Variants in MTMR7 observed in about 807,000 individuals in gnomAD.
MTMR7 encodes phosphatidylinositol-3-phosphate phosphatase MTMR7.
In MTMR7, 76 loss-of-function variants were observed where a neutral mutation model predicts 81.2. That is an observed-to-expected ratio of 0.94 (90% CI 0.78 to 1.13). The LOEUF (loss-of-function observed/expected upper bound fraction) is 1.13. Ranked by LOEUF, MTMR7 falls within the 50% of genes most tolerant of loss-of-function variation. The pLI is 0.00. For synonymous variants in MTMR7, 372 were observed against 289.8 expected (o/e 1.28, Z -2.88); for missense variants, 1,044 against 820.0 (o/e 1.27, Z -3.34).
At chr8:17,376,150 A>G (rs1266004547) in intron 1 of MTMR7, among the ~76,000 whole-genome samples, 3 of 152,216 alleles carry the variant, frequency 2.0e-5, no homozygotes, top group African/African-American at 4.8e-5. Flanking sequence ...TATTCTGAAC[A>G]TTTTGTATAA....
chr8:17,311,075 C>A (rs925308486), intron 9 of MTMR7, among the ~76,000 whole-genome samples: 4 of 152,144 alleles, frequency 2.6e-5, no homozygotes, highest in Admixed American at 6.5e-5. Context: ...AAAAAACATA[C>A]CCTGGAAGTG....
In MTMR7 at chr8:17,305,909, G is replaced by C. The variant is rs1441410555; in HGVS notation, c.1200C>G (p.Asp400Glu). Reference protein sequence around the residue: ...GDPKEISPVIDQFIECVWQLM... With the variant: ...GDPKEISPVIEQFIECVWQLM... Reference sequence around the variant, plus strand: ...ACTGCCAAACACACTCAATGAACTGGTCAATAACTGGAGAGATTTCTTTTG... The same window carrying C: ...ACTGCCAAACACACTCAATGAACTGCTCAATAACTGGAGAGATTTCTTTTG... Residue 400 changes from aspartate (D) to glutamate (E), a missense_variant, in exon 11 of 14, where the codon GAC becomes GAG. Coordinates refer to ENST00000180173, the MANE Select transcript of MTMR7 (RefSeq NM_004686.5). The C allele has an allele frequency of 1.2e-6, 2 of 1,613,670 alleles. No homozygotes were observed. The highest frequency in any genetic ancestry group is 8.5e-7 in the Non-Finnish European group (1 of 1,179,714).
At chr8:17,371,970 T>C (rs1007690903) in intron 2 of MTMR7, among the ~76,000 whole-genome samples, 1 of 151,954 alleles carries the variant, frequency 6.6e-6, no homozygotes, top group African/African-American at 2.4e-5. Flanking sequence ...TTTCCAGACT[T>C]TTCCTCCTGT....
In MTMR7 at chr8:17,298,216, A is replaced by T. The variant is rs1488790310; in HGVS notation, c.*1646T>A. The T allele has an allele frequency of 1.3e-5, 2 of 152,062 alleles. No individual in the cohort carries two copies. Among genetic ancestry groups the T allele is most frequent in the Non-Finnish European group, 2.9e-5 (2 of 67,932 alleles). The allele number at this position is 152,062 out of a possible 1,614,324, so 9.4% of individuals were successfully genotyped here. On this transcript the variant is annotated 3_prime_UTR_variant, in exon 14 of 14. Transcript: ENST00000180173. ...CCATTACCACTATATCCTAAGTTTT[A>T]TTTTAGCAAGGTATTCCCTATTACA...
intron 5 of MTMR7, among the ~76,000 whole-genome samples, chr8:17,342,609 G>A (rs1338437415): frequency 6.6e-6 from 1 of 152,166 alleles, no homozygotes; most frequent in East Asian, 1.9e-4. Context: ...GTTGGAGAAG[G>A]TGGGGACATT....
intron 1 of MTMR7, among the ~76,000 whole-genome samples, chr8:17,401,965 T>C (rs1821441371): frequency 6.6e-6 from 1 of 152,226 alleles, no homozygotes; most frequent in South Asian, 2.1e-4. Context: ...ATACAAAACA[T>C]ATTTTATAGG....
chr8:17,305,864 A>G lies in MTMR7; in HGVS notation c.1245T>C (p.Cys415=). The G allele has an allele frequency of 6.2e-7, 1 of 1,613,680 alleles. No individual in the cohort carries two copies. Among genetic ancestry groups the G allele is most frequent in the South Asian group, 1.1e-5 (1 of 91,062 alleles). The change falls in exon 11 of 14, where the codon TGT becomes TGC. Residue 415 remains cysteine (C), a synonymous_variant. Transcript: ENST00000180173. Reference sequence around the variant, plus strand: ...AAAACCTCTCATTGAACTCAAAGGCACAGGGAAATTGTTCCATTAACTGCC... The same window carrying G: ...AAAACCTCTCATTGAACTCAAAGGCGCAGGGAAATTGTTCCATTAACTGCC... ...CVWQLMEQFP[C]AFEFNERFLI...
At chr8:17,381,206 A>C (rs10093280) in intron 1 of MTMR7, among the ~76,000 whole-genome samples, 1 of 152,014 alleles carries the variant, frequency 6.6e-6, no homozygotes, top group Non-Finnish European at 1.5e-5. Flanking sequence ...GGTTAGACTG[A>C]GGGGAAAAAA....
intron 1 of MTMR7, among the ~76,000 whole-genome samples, chr8:17,384,800 C>A (rs545938179): frequency 3.9e-5 from 6 of 152,168 alleles, no homozygotes; most frequent in Non-Finnish European, 7.4e-5. Context: ...AAATAAAGAA[C>A]GTCAACTGTT....
intron 2 of MTMR7, among the ~76,000 whole-genome samples, chr8:17,372,340 G>A (rs540233387): frequency 3.0e-4 from 46 of 152,158 alleles, no homozygotes; most frequent in Non-Finnish European, 1.5e-5. Context: ...CAGTACTTTG[G>A]AAGGCCAAGG....
intron 11 of MTMR7, among the ~76,000 whole-genome samples, chr8:17,304,791 T>A (rs78305025): frequency 0.014 from 1,585 of 114,620 alleles, 12 homozygotes; most frequent in Non-Finnish European, 0.021. Context: ...TTGGGGGGAG[T>A]TTTTTCCCCC....
At chr8:17,329,317 T>C (rs1043701682) in intron 7 of MTMR7, among the ~76,000 whole-genome samples, 1 of 152,180 alleles carries the variant, frequency 6.6e-6, no homozygotes, top group Admixed American at 6.5e-5. Flanking sequence ...TAGTCAAACA[T>C]TGGTCAAGAC....
chr8:17,326,702 T>C (rs1818700154), intron 7 of MTMR7, among the ~76,000 whole-genome samples: 1 of 152,188 alleles, frequency 6.6e-6, no homozygotes, highest in Non-Finnish European at 1.5e-5. Context: ...CTCAGCTGAA[T>C]TCTGCCAACA....
At chr8:17,350,044 T>A (rs1819681726) in intron 4 of MTMR7, among the ~76,000 whole-genome samples, 1 of 152,168 alleles carries the variant, frequency 6.6e-6, no homozygotes, top group Admixed American at 6.5e-5. Flanking sequence ...CCAAAACAAA[T>A]GTTAGTGGTA....
At chr8:17,353,546 T>A (rs551368778) in intron 4 of MTMR7, among the ~76,000 whole-genome samples, 4 of 152,322 alleles carry the variant, frequency 2.6e-5, no homozygotes, top group African/African-American at 9.6e-5. Flanking sequence ...TGACAATACA[T>A]AATGCGCACA....
chr8:17,402,537 T>C (rs1272785300), intron 1 of MTMR7, among the ~76,000 whole-genome samples: 1 of 152,188 alleles, frequency 6.6e-6, no homozygotes, highest in Non-Finnish European at 1.5e-5. Flanking sequence ...GCTGGCTTCT[T>C]TCACTTAGCA....
intron 5 of MTMR7, among the ~76,000 whole-genome samples, chr8:17,344,610 C>G (rs930745572): frequency 2.6e-5 from 4 of 152,122 alleles, no homozygotes; most frequent in Non-Finnish European, 5.9e-5. Flanking sequence ...GACTCCATCT[C>G]AAAACATAAA....
At chr8:17,403,393 G>A (rs769358553) in intron 1 of MTMR7, among the ~76,000 whole-genome samples, 47 of 152,274 alleles carry the variant, frequency 3.1e-4, no homozygotes, top group Non-Finnish European at 5.6e-4. Context: ...CTGTAGGTGT[G>A]TGGATTTGTT....
chr8:17,314,110 T>G (rs923439911), intron 7 of MTMR7, among the ~76,000 whole-genome samples: 6 of 152,154 alleles, frequency 3.9e-5, no homozygotes, highest in Non-Finnish European at 7.4e-5. Context: ...CCACCAACTT[T>G]CACCTCAGGA....
Sources: allele counts gnomAD v4.1 joint callset (sites outside exome capture counted in the v4.1 genomes callset), GRCh38; gene constraint gnomAD v4.1.1; transcripts MANE v1.5; gene names NCBI Gene and HGNC (gene_info 2026-07-23, HGNC 2026-07-21).